The following GPHN variants were observed in gnomAD, a reference collection of about 807,000 sequenced individuals.
The protein encoded by GPHN is gephyrin.
A neutral mutation model predicts 95.5 loss-of-function variants in GPHN; 17 were observed. The observed-to-expected ratio is 0.18, with a 90% confidence interval of 0.12 to 0.27. The LOEUF is 0.27. Ranked by LOEUF, GPHN falls within the 10% of genes least tolerant of loss-of-function variation. GPHN has a pLI of 1.00. For synonymous variants in GPHN, 320 were observed against 322.5 expected, an observed-to-expected ratio of 0.99 and a Z score of 0.08; for missense variants, 660 against 978.1, an observed-to-expected ratio of 0.67 and a Z score of 4.34.
intron 21 of GPHN, among the ~76,000 whole-genome samples, chr14:67,176,392 T>C (rs1191926801): frequency 1.3e-5 from 2 of 152,222 alleles, no homozygotes; most frequent in Admixed American, 6.5e-5. Context: ...TTGATTTGCA[T>C]ATGTTGAACC....
chr14:67,567,153 C>T, the GPHN span, among the ~76,000 whole-genome samples: 3 of 151,004 alleles, frequency 2.0e-5, no homozygotes, highest in Non-Finnish European at 3.0e-5. Flanking sequence ...TTCCGTGTTC[C>T]GGGGAGAGCT....
intron 17 of GPHN, among the ~76,000 whole-genome samples, chr14:67,142,755 A>C (rs546530754): frequency 1.3e-5 from 2 of 152,288 alleles, no homozygotes; most frequent in Non-Finnish European, 2.9e-5. Context: ...TAACTGTCCC[A>C]GTCATTCCCA....
chr14:67,203,425 A>G, the GPHN span: 1 of 697,520 alleles, frequency 1.4e-6, no homozygotes, highest in Non-Finnish European at 2.3e-6. Context: ...GCAAATGACA[A>G]AGAGGAGCAT....
intron 1 of GPHN, among the ~76,000 whole-genome samples, chr14:66,621,762 T>C (rs1174494588): frequency 6.6e-6 from 1 of 152,072 alleles, no homozygotes; most frequent in Non-Finnish European, 1.5e-5. Context: ...CTCCTTTGAC[T>C]CCATATCTCA....
chr14:67,199,156 T>G, the GPHN span: 1 of 1,580,454 alleles, frequency 6.3e-7, no homozygotes, highest in Non-Finnish European at 8.7e-7. Flanking sequence ...CTGTGGGAAC[T>G]GTTTCTCCAG....
intron 4 of GPHN, among the ~76,000 whole-genome samples, chr14:66,839,591 T>C (rs941537036): frequency 3.3e-5 from 5 of 152,182 alleles, no homozygotes; most frequent in African/African-American, 4.8e-5. Context: ...ATTGTTAGTT[T>C]TGAATATTGT....
At chr14:66,768,111 T>C (rs1032257814) in intron 2 of GPHN, among the ~76,000 whole-genome samples, 1 of 151,866 alleles carries the variant, frequency 6.6e-6, no homozygotes, top group Non-Finnish European at 1.5e-5. Context: ...TGAGGAAGAT[T>C]AAAGTTAACT....
the GPHN span, among the ~76,000 whole-genome samples, chr14:67,488,054 A>C: frequency 1.3e-5 from 2 of 152,256 alleles, no homozygotes; most frequent in Non-Finnish European, 2.9e-5. Flanking sequence ...CACCATCTGC[A>C]TATGCCCAAG....
chr14:66,885,724 G>A (rs1473566458), intron 5 of GPHN, among the ~76,000 whole-genome samples: 2 of 151,882 alleles, frequency 1.3e-5, no homozygotes, highest in Admixed American at 6.6e-5. Context: ...CATATATGGG[G>A]GAATTTAGAA....
the GPHN span, among the ~76,000 whole-genome samples, chr14:67,542,190 C>T: frequency 4.6e-5 from 7 of 152,146 alleles, no homozygotes; most frequent in African/African-American, 1.4e-4. Flanking sequence ...CGTCTTTGCT[C>T]GCTCATTAAG....
intron 1 of GPHN, among the ~76,000 whole-genome samples, chr14:66,655,476 TC>T (rs1199767289): frequency 3.3e-5 from 5 of 152,096 alleles, no homozygotes; most frequent in African/African-American, 1.2e-4. Context: ...CTTGAAGAAC[TC>T]CCTTATTCTA....
At chr14:67,357,414 G>A in the GPHN span, among the ~76,000 whole-genome samples, 2 of 152,252 alleles carry the variant, frequency 1.3e-5, no homozygotes, top group South Asian at 2.1e-4. Flanking sequence ...CCAGCCATGG[G>A]GAAAATATTT....
intron 3 of GPHN, among the ~76,000 whole-genome samples, chr14:66,803,512 C>T (rs1327153650): frequency 1.3e-5 from 2 of 152,148 alleles, no homozygotes; most frequent in African/African-American, 4.8e-5. Flanking sequence ...CATCTCACTC[C>T]ACCCCTCTCT....
the GPHN span, among the ~76,000 whole-genome samples, chr14:67,216,111 C>T: frequency 2.6e-5 from 4 of 152,132 alleles, no homozygotes; most frequent in African/African-American, 9.7e-5. Flanking sequence ...CTTCTATTAA[C>T]ATCTAACATG....
chr14:66,996,411 G>A (rs1311515947), intron 9 of GPHN, among the ~76,000 whole-genome samples: 1 of 152,154 alleles, frequency 6.6e-6, no homozygotes, highest in Non-Finnish European at 1.5e-5. Context: ...ATGATGCACT[G>A]TTGTCTGAAT....
At chr14:67,160,584 TG>T (rs2081917277) in intron 19 of GPHN, among the ~76,000 whole-genome samples, 1 of 152,166 alleles carries the variant, frequency 6.6e-6, no homozygotes, top group African/African-American at 2.4e-5. Context: ...TTTAGACCTT[TG>T]CTACTCTATG....
chr14:67,289,691 A>G, the GPHN span, among the ~76,000 whole-genome samples: 1 of 152,076 alleles, frequency 6.6e-6, no homozygotes, highest in Non-Finnish European at 1.5e-5. Context: ...AAGATAAATA[A>G]GAGTCAGTGG....
At chr14:66,997,807 C>A (rs906455077) in intron 9 of GPHN, among the ~76,000 whole-genome samples, 1 of 152,044 alleles carries the variant, frequency 6.6e-6, no homozygotes, top group Non-Finnish European at 1.5e-5. Context: ...TTGAAACATA[C>A]CACTAGGGAG....
intron 3 of GPHN, 26 bp from the exon 4 acceptor site, chr14:66,824,448 A>G (rs769405996): frequency 3.2e-6 from 4 of 1,264,820 alleles, no homozygotes; most frequent in African/African-American, 3.0e-5. Context: ...TTTTCTGCAC[A>G]TGACTATACT....
Sources: allele counts gnomAD v4.1 joint callset (sites outside exome capture counted in the v4.1 genomes callset), GRCh38; gene constraint gnomAD v4.1.1; transcripts MANE v1.5; gene names NCBI Gene and HGNC (gene_info 2026-07-23, HGNC 2026-07-21).